CEP112: variants seen among roughly 807,000 people sequenced by gnomAD.
CEP112 encodes centrosomal protein 112.
A neutral mutation model predicts 153.0 loss-of-function variants in CEP112; 127 were observed. That is an observed-to-expected ratio of 0.83 (90% CI 0.72 to 0.96). The LOEUF (loss-of-function observed/expected upper bound fraction) is 0.96. CEP112 is among the 40% of genes least tolerant of loss of function. The pLI is 0.00. For synonymous variants in CEP112, 358 were observed against 374.4 expected, an observed-to-expected ratio of 0.96 and a Z score of 0.51; for missense variants, 1,089 against 1,101.2, an observed-to-expected ratio of 0.99 and a Z score of 0.16.
intron 20 of CEP112, chr17:65,873,589 A>G (rs2058732280): frequency 6.6e-6 from 1 of 152,138 alleles, no homozygotes; most frequent in Non-Finnish European, 1.5e-5. Context: ...ATAAATATCC[A>G]TTTATCCCCC....
rs534407866 is a variant in CEP112 at position 65,846,557 on chromosome 17, TTTTTGTTTTG to T, written c.2394+5237_2394+5246del. 3.3e-3 allele frequency among the ~76,000 whole-genome samples: 507 copies of T among 152,168 alleles called. 3 individuals carry two copies. Among genetic ancestry groups the T allele is most frequent in the African/African-American group, 0.011 (454 of 41,488 alleles). ...TGAATTTCTCAGTAGATTATCATTCTTTTTGTTTTGTTTTGTTTTGTTTTGTTTTGAGACG... is the reference window on the plus strand; with the variant it reads ...TGAATTTCTCAGTAGATTATCATTCTTTTTGTTTTGTTTTGTTTTGAGACG... On this transcript the variant is annotated intron_variant, in intron 21 of 26. Transcript: ENST00000535342.
At position 65,635,808 on chromosome 17, in the gene CEP112, C is replaced by G. The variant is rs2044739880; in HGVS notation, c.*163G>C. ...CTTAGGCAGACACAAATAAAACCACCCCACTAGTGTATGAATGATGCATGT... is the reference window on the plus strand; with the variant it reads ...CTTAGGCAGACACAAATAAAACCACGCCACTAGTGTATGAATGATGCATGT... On this transcript the variant is annotated 3_prime_UTR_variant, in exon 27 of 27. Coordinates refer to ENST00000535342, the MANE Select transcript of CEP112 (RefSeq NM_001199165.4). The G allele has an allele frequency of 1.5e-6, 1 of 668,956 alleles. No homozygotes were observed. The highest frequency in any genetic ancestry group is 2.2e-5 in the South Asian group (1 of 45,498). The allele number at this position is 668,956 out of a possible 1,614,324, so 41.4% of individuals were successfully genotyped here. A position where few individuals can be genotyped will look rare whatever the true frequency, so the allele number is the denominator to read the frequency against.
At chr17:66,186,378 T>C (rs910359687) in intron 1 of CEP112, among the ~76,000 whole-genome samples, 3 of 152,064 alleles carry the variant, frequency 2.0e-5, no homozygotes, top group African/African-American at 4.8e-5. Flanking sequence ...CTCGGCTCAC[T>C]GCAACCTCCA....
intron 10 of CEP112, among the ~76,000 whole-genome samples, chr17:66,063,973 T>C (rs1050528496): frequency 2.0e-5 from 3 of 152,166 alleles, no homozygotes; most frequent in Admixed American, 6.5e-5. Context: ...GACTCTCAAC[T>C]GAAAAATCAC....
At chr17:65,846,648 A>G (rs1598762844) in intron 21 of CEP112, among the ~76,000 whole-genome samples, 2 of 152,206 alleles carry the variant, frequency 1.3e-5, no homozygotes, top group Admixed American at 1.3e-4. Context: ...GGCTCACTAC[A>G]AGCTCCGCCT....
intron 10 of CEP112, among the ~76,000 whole-genome samples, chr17:66,066,109 C>T (rs2067107687): frequency 6.6e-6 from 1 of 152,080 alleles, no homozygotes; most frequent in South Asian, 2.1e-4. Flanking sequence ...ACAATATTTT[C>T]AACACTCTCT....
At chr17:66,050,418 C>A (rs951086573) in intron 12 of CEP112, among the ~76,000 whole-genome samples, 1 of 152,116 alleles carries the variant, frequency 6.6e-6, no homozygotes, top group African/African-American at 2.4e-5. Context: ...ATGGTAAAAA[C>A]CTCAACTGTG....
At chr17:65,942,927 T>A (rs971837866) in intron 18 of CEP112, among the ~76,000 whole-genome samples, 1 of 152,218 alleles carries the variant, frequency 6.6e-6, no homozygotes, top group Non-Finnish European at 1.5e-5. Context: ...CAATTATATA[T>A]AAGTACACAA....
At chr17:65,937,550 CCG>C (rs2061366732) in intron 18 of CEP112, among the ~76,000 whole-genome samples, 1 of 115,404 alleles carries the variant, frequency 8.7e-6, no homozygotes, top group Non-Finnish European at 1.8e-5. Flanking sequence ...GCCAGCCGCC[CCG>C]TCCGGGAGGG....
At chr17:65,674,252 G>A (rs7216113) in intron 24 of CEP112, among the ~76,000 whole-genome samples, 1,712 of 152,306 alleles carry the variant, frequency 0.011, 32 homozygotes, top group African/African-American at 0.038. Flanking sequence ...GCAATTCATG[G>A]AAATGCAAAT....
intron 23 of CEP112, 80 bp downstream of exon 23, chr17:65,742,988 G>A: frequency 5.3e-6 from 6 of 1,135,892 alleles, no homozygotes; most frequent in Non-Finnish European, 7.4e-6. Flanking sequence ...GCATTCATCT[G>A]CCCACTGCTG....
rs571307099 is a variant in CEP112, at chr17:66,131,666, G to A, written c.564+1004C>T. On this transcript the variant is annotated intron_variant, in intron 5 of 26. Transcript: ENST00000535342. ...TGAGGCAGGAGAACGGCGTGAACCC[G>A]GGAGGCGGAGCTTGCAGTGAGCCGA... Among the ~76,000 whole-genome samples, 11 of 152,238 alleles carry A rather than the reference G, an allele frequency of 7.2e-5. No homozygotes were observed. In the South Asian group the frequency reaches 1.9e-3, roughly 26 times the overall value.
intron 6 of CEP112, among the ~76,000 whole-genome samples, chr17:66,123,516 G>A (rs1218370947): frequency 6.6e-6 from 1 of 152,314 alleles, no homozygotes; most frequent in Middle Eastern, 3.4e-3. Flanking sequence ...TGATTTTCTT[G>A]AATAAATGTC....
chr17:65,956,588 A>T (rs1375761050), intron 18 of CEP112, among the ~76,000 whole-genome samples: 1 of 148,534 alleles, frequency 6.7e-6, no homozygotes, highest in South Asian at 2.3e-4. Context: ...ACACAAACAC[A>T]TAAGAATGAT....
intron 21 of CEP112, among the ~76,000 whole-genome samples, chr17:65,752,615 CT>C (rs1420255396): frequency 6.6e-6 from 1 of 152,220 alleles, no homozygotes; most frequent in Non-Finnish European, 1.5e-5. Flanking sequence ...TCTGGGCCAT[CT>C]GTCCCAAATG....
chr17:66,158,485 G>A lies in CEP112; in HGVS notation c.470+16559C>T, dbSNP rs368188756. The stretch of plus-strand genomic sequence containing the variant: ...AAATGAGCCGGGCGTGGTGGTGGGC[G>A]CCTGTAGTCCCAGCTACACAGGAGG... On this transcript the variant is annotated intron_variant, in intron 4 of 26. Coordinates refer to ENST00000535342, the MANE Select transcript of CEP112 (RefSeq NM_001199165.4). Among the ~76,000 whole-genome samples the A allele has an allele frequency of 7.2e-5, 11 of 152,134 alleles. No homozygotes were observed. In the East Asian group the frequency reaches 1.7e-3, roughly 24 times the overall value.
intron 18 of CEP112, among the ~76,000 whole-genome samples, chr17:65,928,836 C>T (rs1056393751): frequency 5.9e-5 from 9 of 152,064 alleles, no homozygotes; most frequent in Admixed American, 3.3e-4. Context: ...TGCATTCCAG[C>T]CTGGGAAAAA....
chr17:66,011,046 T>C (rs145862224), intron 16 of CEP112, among the ~76,000 whole-genome samples: 1 of 152,148 alleles, frequency 6.6e-6, no homozygotes, highest in Non-Finnish European at 1.5e-5. Context: ...GCAGCTCTTC[T>C]TTACACATCT....
At chr17:66,153,988 C>T (rs189039383) in intron 4 of CEP112, among the ~76,000 whole-genome samples, 17 of 132,890 alleles carry the variant, frequency 1.3e-4, no homozygotes, top group Admixed American at 8.1e-4. Flanking sequence ...CAGAATGAAA[C>T]CCTATCTCTA....
Sources: allele counts gnomAD v4.1 joint callset (sites outside exome capture counted in the v4.1 genomes callset), GRCh38; gene constraint gnomAD v4.1.1; transcripts MANE v1.5; gene names NCBI Gene and HGNC (gene_info 2026-07-23, HGNC 2026-07-21).